CIT: variants seen among roughly 807,000 people sequenced by gnomAD.
CIT encodes the protein citron rho-interacting serine/threonine kinase, also known as citron Rho-interacting kinase.
CIT carries 79 observed loss-of-function variants against 272.7 expected under a neutral mutation model. That is an observed-to-expected ratio of 0.29 (90% CI 0.24 to 0.35). The LOEUF (loss-of-function observed/expected upper bound fraction) is 0.35. CIT is among the 10% of genes least tolerant of loss of function. The probability of loss-of-function intolerance (pLI) is 1.00; values close to 1 mark genes in which losing one functional copy is unlikely to be tolerated. For synonymous variants in CIT, 948 were observed against 995.6 expected, an observed-to-expected ratio of 0.95 and a Z score of 0.90; for missense variants, 1,909 against 2,618.3, an observed-to-expected ratio of 0.73 and a Z score of 5.91.
intron 10 of CIT, among the ~76,000 whole-genome samples, chr12:119,793,118 C>T (rs1352413654): frequency 6.6e-6 from 1 of 151,794 alleles, no homozygotes; most frequent in African/African-American, 2.4e-5. Flanking sequence ...ATATATATAC[C>T]ATACACACAT....
intron 22 of CIT, 74 bp downstream of exon 22, chr12:119,757,297 G>T: frequency 6.4e-7 from 1 of 1,560,098 alleles, no homozygotes; most frequent in Non-Finnish European, 8.7e-7. Flanking sequence ...ATATTGATTT[G>T]TGCTCGAAAG....
chr12:119,758,529 T>C, intron 21 of CIT, 62 bp downstream of exon 21: 1 of 1,034,170 alleles, frequency 9.7e-7, no homozygotes, highest in East Asian at 2.4e-5. Context: ...GAAGGGAGTT[T>C]ATGCCACAGG....
Position 119,822,990 on chromosome 12 carries a change from AAG to A in CIT, c.958-19_958-18del. The A allele has an allele frequency of 6.3e-7, 1 of 1,598,840 alleles. No individual in the cohort carries two copies. The highest frequency in any genetic ancestry group is 1.1e-5 in the South Asian group (1 of 87,910). ...CAAAAACCGCTGTTCCAAAAAAAATAAGAGAATTATTTCCTTAGTAGGGATTC... is the reference window on the plus strand; with the variant it reads ...CAAAAACCGCTGTTCCAAAAAAAATAAGAATTATTTCCTTAGTAGGGATTC... On this transcript the variant is annotated intron_variant, in intron 8 of 47. Transcript: ENST00000392521.
chr12:119,817,911 T>TA (rs397939625), intron 9 of CIT, among the ~76,000 whole-genome samples: 2,495 of 140,908 alleles, frequency 0.018, 52 homozygotes, highest in African/African-American at 0.055. Context: ...CTCCATCACT[T>TA]AAAAAAAAAA....
At position 119,697,762 on chromosome 12, in the gene CIT, A is replaced by C; in HGVS notation, c.5779T>G (p.Leu1927Val). 6.2e-7 allele frequency: 1 copy of C among 1,614,164 alleles called. No individual in the cohort carries two copies. The highest frequency in any genetic ancestry group is 8.5e-7 in the Non-Finnish European group (1 of 1,180,042). The change falls in exon 46 of 48, where the codon TTG becomes GTG. Residue 1927 changes from leucine to valine, a missense_variant. Transcript: ENST00000392521. The surrounding 1 kb of genome is among the most constrained non-coding windows in gnomAD (Gnocchi z 4.9). Reference sequence around the variant, plus strand: ...AATTTATCCTGGTATGAGGACGCCAAGTAAATCGCTCCTGAGGAAATGGCA... The same window carrying C: ...AATTTATCCTGGTATGAGGACGCCACGTAAATCGCTCCTGAGGAAATGGCA... ...GPAISSGAIY[L>V]ASSYQDKLRV...
intron 9 of CIT, among the ~76,000 whole-genome samples, chr12:119,812,053 C>A (rs970463601): frequency 6.7e-6 from 1 of 150,232 alleles, no homozygotes; most frequent in African/African-American, 2.4e-5. Context: ...TCAAGGAATT[C>A]TCATGCTTCA....
intron 15 of CIT, among the ~76,000 whole-genome samples, chr12:119,776,078 C>T (rs1963720732): frequency 6.6e-6 from 1 of 152,140 alleles, no homozygotes; most frequent in Non-Finnish European, 1.5e-5. Flanking sequence ...GAGAAAGTCG[C>T]TCAGTCCTTT....
intron 2 of CIT, among the ~76,000 whole-genome samples, chr12:119,875,043 C>G (rs1353521368): frequency 6.6e-6 from 1 of 152,214 alleles, no homozygotes; most frequent in Admixed American, 6.5e-5. Context: ...GGGCTTATGC[C>G]TGTAAGCCCA....
In CIT at chr12:119,834,093, C is replaced by T. The variant is rs777293258; in HGVS notation, c.652G>A (p.Val218Met). The T allele has an allele frequency of 1.1e-5, 18 of 1,610,648 alleles. No homozygotes were observed. The highest frequency in any genetic ancestry group is 1.6e-4 in the Middle Eastern group (1 of 6,070). ...AVHSVHLMGY[V>M]HRDIKPENIL... Reference sequence around the variant, plus strand: ...TACCAGAGTCTCACTTACCGATGCACGTATCCCATCAGATGAACGCTGTGA... The same window carrying T: ...TACCAGAGTCTCACTTACCGATGCATGTATCCCATCAGATGAACGCTGTGA... Residue 218 changes from valine (V) to methionine (M), a missense_variant, in exon 6 of 48, where the codon GTG becomes ATG. Around this residue, in one of 8 missense-constraint regions of CIT, gnomAD observed 529 missense variants for 549.6 expected, o/e 0.96. Transcript: ENST00000392521.
At chr12:119,707,851 T>G (rs966375402) in intron 40 of CIT, among the ~76,000 whole-genome samples, 3 of 152,256 alleles carry the variant, frequency 2.0e-5, no homozygotes, top group African/African-American at 7.2e-5. Flanking sequence ...ATCCGCCCAG[T>G]GACTATCTGT....
chr12:119,689,579 T>C (rs1374401133), intron 47 of CIT, among the ~76,000 whole-genome samples: 1 of 151,914 alleles, frequency 6.6e-6, no homozygotes, highest in Admixed American at 6.6e-5. Flanking sequence ...AGGGAAAACA[T>C]TTTTTGGTAG....
intron 40 of CIT, among the ~76,000 whole-genome samples, chr12:119,705,850 G>A (rs1956850591): frequency 6.6e-6 from 1 of 151,236 alleles, no homozygotes; most frequent in African/African-American, 2.4e-5. Flanking sequence ...AGCACTTTGG[G>A]AGGCCAAGGT....
At chr12:119,721,148 G>A (rs1055237346) in intron 29 of CIT, among the ~76,000 whole-genome samples, 161 bp downstream of exon 29, 3 of 152,106 alleles carry the variant, frequency 2.0e-5, no homozygotes, top group African/African-American at 7.2e-5. Flanking sequence ...TGTATTTTTA[G>A]TAGAGATGGG....
At chr12:119,867,629 G>A (rs943482994) in intron 3 of CIT, among the ~76,000 whole-genome samples, 1 of 152,170 alleles carries the variant, frequency 6.6e-6, no homozygotes, top group South Asian at 2.1e-4. Flanking sequence ...TTTGTGCACT[G>A]TAAGGTGTTT....
intron 16 of CIT, 118 bp from the exon 17 acceptor site, chr12:119,773,028 A>AG (rs1593684545): frequency 9.5e-7 from 1 of 1,049,494 alleles, no homozygotes; most frequent in East Asian, 2.8e-5. Flanking sequence ...AAAAAAAAAA[A>AG]AAAGATAGTG....
In CIT at chr12:119,795,511, G is replaced by A. The variant is rs143305168; in HGVS notation, c.1295+7695C>T. ...TCATTTTCTCTATCTGTAAAATAAT[G>A]AGTTATTGCTGGGTCTACATGAGAA... On this transcript the variant is annotated intron_variant, in intron 10 of 47. Transcript: ENST00000392521. Among the ~76,000 whole-genome samples the A allele has an allele frequency of 3.9e-5, 6 of 152,302 alleles. No homozygotes were observed. In the East Asian group the frequency reaches 9.6e-4, roughly 24 times the overall value.
At chr12:119,699,966 G>T in intron 44 of CIT, 1 of 453,198 alleles carries the variant, frequency 2.2e-6, no homozygotes, top group East Asian at 7.0e-5. Context: ...ACTTTTAGGA[G>T]CTTATAATCA....
chr12:119,686,165 TAA>T lies in CIT; in HGVS notation c.*2065_*2066del, dbSNP rs1955571238. 6.6e-6 allele frequency: 1 copy of T among 152,400 alleles called. No homozygotes were observed. Among genetic ancestry groups the T allele is most frequent in the African/African-American group, 2.4e-5 (1 of 41,420 alleles). The allele number at this position is 152,400 out of a possible 1,614,324, so 9.4% of individuals were successfully genotyped here. A position where few individuals can be genotyped will look rare whatever the true frequency, so the allele number is the denominator to read the frequency against. ...TTTTTTACGAATATAAAGTTTCTTG[TAA>T]ATATGTACAGTCTTTTGAGCTAGTT... On this transcript the variant is annotated 3_prime_UTR_variant, in exon 48 of 48. Transcript: ENST00000392521.
Position 119,804,524 on chromosome 12 carries a change from C to G in CIT, c.1112-1135G>C. ...CAGCATGAGTCACTGCCCGCCAGGG[C>G]TCGCTAGAGCTCCCCCTAGGACAGT... On this transcript the variant is annotated intron_variant, in intron 9 of 47. Transcript: ENST00000392521. This position sits in a 1 kb window ranked among gnomAD's most constrained non-coding sequence, Gnocchi z 5.3. 1 of 978,058 alleles carries G rather than the reference C, an allele frequency of 1.0e-6. No homozygotes were observed. 60.6% of individuals were successfully genotyped at this position (978,058 alleles called of 1,614,324 possible).
Sources: allele counts gnomAD v4.1 joint callset (sites outside exome capture counted in the v4.1 genomes callset), GRCh38; gene constraint gnomAD v4.1.1; regional missense constraint gnomAD v4.1.1; non-coding constraint Gnocchi (gnomAD v3.1); transcripts MANE v1.5; gene names NCBI Gene and HGNC (gene_info 2026-07-23, HGNC 2026-07-21).